The following POMGNT1 variants were observed in gnomAD, a reference collection of about 807,000 sequenced individuals.
The protein encoded by POMGNT1 is protein O-linked mannose N-acetylglucosaminyltransferase 1 (beta 1,2-), also known as protein O-linked-mannose beta-1,2-N-acetylglucosaminyltransferase 1.
A neutral mutation model predicts 95.6 loss-of-function variants in POMGNT1; 67 were observed. The ratio of observed to expected loss-of-function variants is 0.70; its 90% CI spans 0.58 to 0.86. The LOEUF is 0.86. POMGNT1 is among the 40% of genes least tolerant of loss of function. The pLI, the probability that POMGNT1 is intolerant of heterozygous loss-of-function variation, is 0.00. For synonymous variants in POMGNT1, 298 were observed against 317.9 expected (o/e 0.94, Z 0.66); for missense variants, 719 against 855.2 (o/e 0.84, Z 1.99).
rs1387865839 is a variant in POMGNT1 at position 46,196,975 on chromosome 1, T to C, written c.230A>G (p.Asp77Gly). ...CATCCTTAGCCTAGCCCTACCATAG[T>C]CTTGCTCTGGCTCTGGGTCTTCATT... Reference protein sequence around the residue: ...EANEDPEPEQDYDEALGRLEP... With the variant: ...EANEDPEPEQGYDEALGRLEP... Residue 77 changes from aspartate (D) to glycine (G), a missense_variant, in exon 3 of 22, where the codon GAC becomes GGC. Asp to Gly is a moderately conservative substitution (Grantham distance 94). This residue lies in a region of POMGNT1 where 466 missense variants were observed against 517.4 expected (regional missense o/e 0.90). Coordinates refer to ENST00000371984, the MANE Select transcript of POMGNT1 (RefSeq NM_017739.4). This position sits in a 1 kb window ranked among gnomAD's most constrained non-coding sequence, Gnocchi z 4.4. The C allele has an allele frequency of 3.1e-6, 5 of 1,614,098 alleles. No individual in the cohort carries two copies. Among genetic ancestry groups the C allele is most frequent in the Non-Finnish European group, 4.2e-6 (5 of 1,180,038 alleles).
chr1:46,188,871 C>T lies in POMGNT1; in HGVS notation c.*399G>A. ...GCAGTTTCCTGAGTAAGAGCCAGCC[C>T]CACCCTCAGGGCAGCATTCCAGCCC... On this transcript the variant is annotated 3_prime_UTR_variant, in exon 22 of 22. Transcript: ENST00000371984. 4 of 1,612,878 alleles carry T rather than the reference C, an allele frequency of 2.5e-6. No homozygotes were observed. Among genetic ancestry groups the T allele is most frequent in the Non-Finnish European group, 3.4e-6 (4 of 1,179,880 alleles).
rs1291043657 is a variant in POMGNT1 at position 46,196,125 on chromosome 1, G to C, written c.355-48C>G. Reference sequence around the variant, plus strand: ...TCCAGCTTTTCACTCTGGCATTCAAGGTGTCTCTGTCTTAGGGGTACTTAA... The same window carrying C: ...TCCAGCTTTTCACTCTGGCATTCAACGTGTCTCTGTCTTAGGGGTACTTAA... On this transcript the variant is annotated intron_variant, in intron 4 of 21. Transcript: ENST00000371984. This position sits in a 1 kb window ranked among gnomAD's most constrained non-coding sequence, Gnocchi z 4.4. 1 of 1,613,014 alleles carries C rather than the reference G, an allele frequency of 6.2e-7. No homozygotes were observed. The highest frequency in any genetic ancestry group is 2.2e-5 in the East Asian group (1 of 44,888).
In POMGNT1 at chr1:46,194,205, A is replaced by G. The variant is rs992283194; in HGVS notation, c.879+69T>C. 69 of 1,613,258 alleles carry G rather than the reference A, an allele frequency of 4.3e-5. 1 individual carries two copies. The Middle Eastern group carries it at 1.7e-3, about 39-fold the overall frequency. ...CTCAGGTAGGGAAAGCCCAACCTAG[A>G]TCATTCCTGGGGCCCCCCTGCTGAG... is the stretch of plus-strand genomic sequence containing the variant. On this transcript the variant is annotated intron_variant, in intron 9 of 21. Transcript: ENST00000371984.
chr1:46,211,796 G>A (rs1436993311), intron 1 of POMGNT1, among the ~76,000 whole-genome samples: 3 of 152,042 alleles, frequency 2.0e-5, no homozygotes, highest in Non-Finnish European at 4.4e-5. Flanking sequence ...ACGGAGTCTT[G>A]CTCTGTTGCC....
At chr1:46,204,473 ATTGCCATCGGCTTCCTGGC>A (rs1358094089) in intron 1 of POMGNT1, among the ~76,000 whole-genome samples, 7 of 152,302 alleles carry the variant, frequency 4.6e-5, no homozygotes, top group Non-Finnish European at 7.4e-5. Flanking sequence ...GAACTGAGGA[ATTGCCATCGGCTTCCTGGC>A]TCACAACCAG....
upstream of POMGNT1, among the ~76,000 whole-genome samples, chr1:46,202,086 G>A (rs1285689937): frequency 6.8e-6 from 1 of 146,836 alleles, no homozygotes; most frequent in Non-Finnish European, 1.5e-5. Context: ...AAACAATAAC[G>A]TTATGGGTAT....
At position 46,189,853 on chromosome 1, in the gene POMGNT1, C is replaced by T. The variant is rs2148166435; in HGVS notation, c.1785+1G>A. 1.2e-6 allele frequency: 2 copies of T among 1,613,780 alleles called. No homozygotes were observed. Among genetic ancestry groups the T allele is most frequent in the Non-Finnish European group, 1.7e-6 (2 of 1,179,990 alleles). On this transcript the variant is annotated splice_donor_variant, in intron 20 of 21. Transcript: ENST00000371984. LOFTEE classifies it high-confidence loss of function. ...CCAGGGTGGGCATGGTATTGGAGCA[C>T]CTTGGCAAGCTGGGTCCAGGTGGTG...
At chr1:46,203,596 A>ACAAGAT in intron 1 of POMGNT1, 1 of 1,593,544 alleles carries the variant, frequency 6.3e-7, no homozygotes, top group Non-Finnish European at 8.5e-7. Context: ...GACTTGGGGG[A>ACAAGAT]CAAGATCATG....
rs1658303402 is a variant in POMGNT1 at position 46,197,038 on chromosome 1, T to C, written c.167A>G (p.Lys56Arg). The C allele has an allele frequency of 6.2e-7, 1 of 1,614,184 alleles. No individual in the cohort carries two copies. The highest frequency in any genetic ancestry group is 8.5e-7 in the Non-Finnish European group (1 of 1,180,024). The change falls in exon 3 of 22, where the codon AAG becomes AGG. Residue 56 changes from lysine to arginine, a missense_variant. Physicochemically the swap from Lys to Arg is conservative, Grantham distance 26. Coordinates refer to ENST00000371984, the MANE Select transcript of POMGNT1 (RefSeq NM_017739.4). ...GGCTCGCCGAGTGTCCAGGATCAAC[T>C]TGATATTGACAATGACAGTCACCAG... is the stretch of plus-strand genomic sequence containing the variant. Reference protein sequence around the residue: ...FLLVTVIVNIKLILDTRRAIS... With the variant: ...FLLVTVIVNIRLILDTRRAIS...
intron 1 of POMGNT1, among the ~76,000 whole-genome samples, chr1:46,206,816 T>G (rs1366086380): frequency 6.6e-6 from 1 of 152,180 alleles, no homozygotes; most frequent in African/African-American, 2.4e-5. Flanking sequence ...TCCTTAGCAC[T>G]GGGCCAAGCA....
chr1:46,211,044 T>C (rs572850537), intron 1 of POMGNT1, among the ~76,000 whole-genome samples: 156 of 149,214 alleles, frequency 1.0e-3, no homozygotes, highest in African/African-American at 3.8e-3. Context: ...TCCCCTAGAG[T>C]GTTGGGATTA....
chr1:46,215,225 C>CAAA (rs35554687), intron 1 of POMGNT1, among the ~76,000 whole-genome samples: 2 of 75,618 alleles, frequency 2.6e-5, no homozygotes, highest in Admixed American at 1.4e-4. Flanking sequence ...AACTCTGTCT[C>CAAA]AAAAAAAAAA....
rs540025330 is a variant in POMGNT1, at chr1:46,197,941, G to A, written c.-50-70C>T. 1.6e-5 allele frequency: 23 copies of A among 1,469,924 alleles called. 1 individual carries two copies. In the South Asian group the frequency reaches 2.8e-4, roughly 18 times the overall value. The allele number at this position is 1,469,924 out of a possible 1,614,324, so 91.1% of individuals were successfully genotyped here. ...AGTCTGATGCCTTCTGGGGAGATGA[G>A]GGAGGACCTCCCAGCAACTCTTCCC... On this transcript the variant is annotated intron_variant, in intron 1 of 21. Transcript: ENST00000371984.
At chr1:46,190,397 C>T (rs985277010) in intron 19 of POMGNT1, 76 bp downstream of exon 19, 4 of 1,506,528 alleles carry the variant, frequency 2.7e-6, no homozygotes, top group East Asian at 4.5e-5. Flanking sequence ...GCACAGGACC[C>T]TGTAAATTAT....
At chr1:46,191,122 G>T (rs1657734770) in intron 17 of POMGNT1, 1 of 360,122 alleles carries the variant, frequency 2.8e-6, no homozygotes, top group Non-Finnish European at 5.4e-6. Context: ...GCAGGAGGTG[G>T]TGGGCAAAGG....
intron 1 of POMGNT1, among the ~76,000 whole-genome samples, chr1:46,210,223 T>A (rs926788559): frequency 1.3e-5 from 2 of 152,196 alleles, no homozygotes; most frequent in African/African-American, 2.4e-5. Flanking sequence ...GGTATAAAAT[T>A]TTTTTCTATG....
In POMGNT1 at chr1:46,203,661, C is replaced by G. The variant is rs554048060; in HGVS notation, c.-50-5790G>C. 5 of 1,582,312 alleles carry G rather than the reference C, an allele frequency of 3.2e-6. No homozygotes were observed. In the African/African-American group the frequency reaches 6.8e-5, roughly 22 times the overall value. On this transcript the variant is annotated intron_variant, in intron 1 of 22. Coordinates refer to the POMGNT1 transcript ENST00000371992. ...ATCCATGGGCCAAGGGGACGAGTCC[C>G]TAGTGTAGGGCCGGGAGGGACGAAC...
In POMGNT1 at chr1:46,190,503, G is replaced by A; in HGVS notation, c.1619C>T (p.Ala540Val). The change falls in exon 19 of 22, where the codon GCT becomes GTT. Residue 540 changes from alanine to valine, a missense_variant. Coordinates refer to ENST00000371984, the MANE Select transcript of POMGNT1 (RefSeq NM_017739.4). ...CAGCCTGTGAACTTCCACTTCATAA[G>A]CTTCTTTCTTCAGACTGAAGAGGAG... The part of the protein sequence containing the change: ...LRNVDSLKKE[A>V]YEVEVHRLLS... 6.2e-7 allele frequency: 1 copy of A among 1,607,198 alleles called. No homozygotes were observed. Among genetic ancestry groups the A allele is most frequent in the Non-Finnish European group, 8.5e-7 (1 of 1,173,648 alleles).
chr1:46,195,736 G>T (rs1266904393), intron 6 of POMGNT1, 75 bp downstream of exon 6: 1 of 1,295,204 alleles, frequency 7.7e-7, no homozygotes, highest in South Asian at 1.3e-5. Context: ...TGTTATATGA[G>T]GGGCAGAGAA....
Sources: gnomAD v4.1 joint callset for allele counts (sites outside exome capture counted in the v4.1 genomes callset) on GRCh38, gnomAD v4.1.1 for gene constraint, gnomAD v4.1.1 regional missense constraint, Gnocchi (gnomAD v3.1) non-coding constraint, MANE v1.5 for transcripts, NCBI Gene and HGNC (gene_info 2026-07-23, HGNC 2026-07-21) for gene names.